FBRS: variants seen among roughly 807,000 people sequenced by gnomAD.
The protein encoded by FBRS is probable fibrosin-1.
In FBRS, 15 loss-of-function variants were observed where a neutral mutation model predicts 86.1. That is an observed-to-expected ratio of 0.17 (90% CI 0.12 to 0.27). FBRS has a LOEUF of 0.27. Among genes scored for constraint, FBRS ranks in the 10% least tolerant of loss-of-function variants. The pLI, the probability that FBRS is intolerant of heterozygous loss-of-function variation, is 1.00. For missense variants in FBRS, 1,367 were observed against 1,301.6 expected (o/e 1.05, Z -0.77); for synonymous variants, 666 against 575.8 (o/e 1.16, Z -2.24).
intron 13 of FBRS, among the ~76,000 whole-genome samples, 160 bp from the exon 14 acceptor site, chr16:30,667,160 T>G (rs2052533108): frequency 6.6e-6 from 1 of 152,096 alleles, no homozygotes; most frequent in Non-Finnish European, 1.5e-5. Context: ...TCTGGCTCAT[T>G]AGGGGGCTGC....
At chr16:30,666,032 C>G (rs1009330182) in intron 11 of FBRS, 1 of 410,136 alleles carries the variant, frequency 2.4e-6, no homozygotes, top group African/African-American at 2.1e-5. Context: ...GATAAGCTGC[C>G]CCTTGGTGAA....
In FBRS at chr16:30,659,862, A is replaced by AGGAGGG; in HGVS notation, c.346_347insAGGGGG (p.Glu115_Gly116insGluGly). The AGGAGGG allele has an allele frequency of 6.5e-7, 1 of 1,532,112 alleles. No individual in the cohort carries two copies. Among genetic ancestry groups the AGGAGGG allele is most frequent in the Non-Finnish European group, 8.8e-7 (1 of 1,141,538 alleles). The allele number at this position is 1,532,112 out of a possible 1,614,324, so 94.9% of individuals were successfully genotyped here. On this transcript the variant is annotated inframe_insertion, in exon 1 of 18. Coordinates refer to ENST00000356166, the MANE Select transcript of FBRS (RefSeq NM_001105079.3). ...GAGGAAGAGGAGGAGGAGGAGGAGG[A>AGGAGGG]GGGGGGCGCAGACGACGGCGAAGCC...
At position 30,670,327 on chromosome 16, in the gene FBRS, C is replaced by T. The variant is rs2052582132; in HGVS notation, c.*682C>T. Reference sequence around the variant, plus strand: ...CCAACAGGGGGCAGGACCTGGGGACCTGGGCTGGAGGGAAGGGCAGAAGCT... The same window carrying T: ...CCAACAGGGGGCAGGACCTGGGGACTTGGGCTGGAGGGAAGGGCAGAAGCT... On this transcript the variant is annotated 3_prime_UTR_variant, in exon 18 of 18. Coordinates refer to ENST00000356166, the MANE Select transcript of FBRS (RefSeq NM_001105079.3). The T allele has an allele frequency of 2.5e-6, 1 of 396,278 alleles. No individual in the cohort carries two copies. Among genetic ancestry groups the T allele is most frequent in the Non-Finnish European group, 5.0e-6 (1 of 200,576 alleles). The allele number at this position is 396,278 out of a possible 1,614,324, so 24.5% of individuals were successfully genotyped here.
At position 30,667,000 on chromosome 16, in the gene FBRS, C is replaced by G. The variant is rs1189786599; in HGVS notation, c.1875+10C>G. On this transcript the variant is annotated intron_variant, in intron 13 of 17. Transcript: ENST00000356166. ...CCAGGAGAAAATGAAGGTACTGGGG[C>G]CGGAGGGCTGGGGAGAGTGGGTCTC... 6 of 1,602,342 alleles carry G rather than the reference C, an allele frequency of 3.7e-6. No homozygotes were observed. Among genetic ancestry groups the G allele is most frequent in the Non-Finnish European group, 4.3e-6 (5 of 1,174,634 alleles).
At position 30,666,983 on chromosome 16, in the gene FBRS, A is replaced by C. The variant is rs775905295; in HGVS notation, c.1868A>C (p.Lys623Thr). The change falls in exon 13 of 18, where the codon AAA (lysine) becomes ACA (threonine). Residue 623 changes from lysine (K) to threonine (T), a missense_variant. Transcript: ENST00000356166. ...TACATGATCCTGAGACACCAGGAGA[A>C]AATGAAGGTACTGGGGCCGGAGGGC... ...VAYMILRHQE[K>T]MKGDSHKLDF... 3.1e-6 allele frequency: 5 copies of C among 1,609,290 alleles called. No individual in the cohort carries two copies. Among genetic ancestry groups the C allele is most frequent in the Non-Finnish European group, 4.2e-6 (5 of 1,177,842 alleles).
Position 30,668,672 on chromosome 16 carries a change from G to GC in FBRS, c.2158+30dup, listed in dbSNP as rs747545280. On this transcript the variant is annotated intron_variant, in intron 16 of 17. Coordinates refer to ENST00000356166, the MANE Select transcript of FBRS (RefSeq NM_001105079.3). Reference sequence around the variant, plus strand: ...AGTGCGGGTGCGGTGGGGTGGGGGGGCTGCGGCCACAGGGTGAGAGCTCAG... The same window carrying GC: ...AGTGCGGGTGCGGTGGGGTGGGGGGGCCTGCGGCCACAGGGTGAGAGCTCAG... The GC allele has an allele frequency of 1.4e-5, 23 of 1,586,690 alleles. No homozygotes were observed. The Admixed American group carries it at 3.4e-4, about 23-fold the overall frequency.
intron 2 of FBRS, 90 bp from the exon 3 acceptor site, chr16:30,661,090 G>A: frequency 6.5e-7 from 1 of 1,540,924 alleles, no homozygotes; most frequent in South Asian, 1.2e-5. Context: ...AGTAGATCCT[G>A]GAGGCCCATG....
Position 30,659,476 on chromosome 16 carries a change from T to G in FBRS, c.-43T>G. 3.7e-6 allele frequency: 1 copy of G among 269,746 alleles called. No homozygotes were observed. The highest frequency in any genetic ancestry group is 6.9e-6 in the Non-Finnish European group (1 of 143,984). The allele number at this position is 269,746 out of a possible 1,614,324, so 16.7% of individuals were successfully genotyped here. ...ACCCCGGGCCTGCGGACAGGCCGCT[T>G]CGGGCCCCGCCGCCTCCGGATGCGG... On this transcript the variant is annotated 5_prime_UTR_variant, in exon 1 of 18. Transcript: ENST00000356166.
At position 30,662,662 on chromosome 16, in the gene FBRS, C is replaced by G; in HGVS notation, c.858C>G (p.Pro286=). 1 of 1,548,550 alleles carries G rather than the reference C, an allele frequency of 6.5e-7. No individual in the cohort carries two copies. The part of the protein sequence containing the change: ...LERSQEQPPG[P]DPLLVPFPPK... The stretch of plus-strand genomic sequence containing the variant: ...GGAGCCAAGAACAGCCCCCGGGGCC[C>G]GACCCGCTGCTAGTGCCTTTCCCCC... The change falls in exon 6 of 18, where the codon CCC becomes CCG. Residue 286 remains proline (P), a synonymous_variant. Transcript: ENST00000356166.
intron 2 of FBRS, 70 bp from the exon 3 acceptor site, chr16:30,661,110 C>G: frequency 6.5e-7 from 1 of 1,548,612 alleles, no homozygotes. Context: ...GAGCGCCCTG[C>G]TGGGAGCTGC....
intron 4 of FBRS, 118 bp downstream of exon 4, chr16:30,661,451 G>A: frequency 6.5e-7 from 1 of 1,532,232 alleles, no homozygotes. Flanking sequence ...GGCTTAGGTT[G>A]AGTCAGGATT....
rs869074 is a variant in FBRS at position 30,662,914 on chromosome 16, C to T, written c.1055+55C>T. The T allele has an allele frequency of 1.5e-4, 201 of 1,385,444 alleles. No individual in the cohort carries two copies. The East Asian group carries it at 2.8e-3, about 19-fold the overall frequency. The allele number at this position is 1,385,444 out of a possible 1,614,324, so 85.8% of individuals were successfully genotyped here. The stretch of plus-strand genomic sequence containing the variant: ...CGGAAGGGCCTGGTCAGTTTGGTGG[C>T]GGGGACACAGGATGGTACCTGTGGG... On this transcript the variant is annotated intron_variant, in intron 6 of 17. Coordinates refer to ENST00000356166, the MANE Select transcript of FBRS (RefSeq NM_001105079.3).
rs572117442 is a variant in FBRS at position 30,669,007 on chromosome 16, C to T, written c.2366+28C>T. The T allele has an allele frequency of 9.7e-6, 15 of 1,548,126 alleles. No homozygotes were observed. In the East Asian group the frequency reaches 3.3e-4, roughly 34 times the overall value. On this transcript the variant is annotated intron_variant, in intron 17 of 17. Transcript: ENST00000356166. The surrounding 1 kb of genome is among the most constrained non-coding windows in gnomAD (Gnocchi z 5.9). ...GTGCCTCCCACCCACCCTGCCCCTG[C>T]CCCACCCTCAGCCCCTGCTGCCCCT...
chr16:30,666,265 G>GC (rs1209788890), intron 11 of FBRS: 3 of 595,246 alleles, frequency 5.0e-6, no homozygotes, highest in African/African-American at 1.9e-5. Context: ...TGTCCTGCCT[G>GC]CCCCCTCACC....
Position 30,669,575 on chromosome 16 carries a change from C to G in FBRS, c.2873C>G (p.Pro958Arg). The G allele has an allele frequency of 6.2e-7, 1 of 1,612,380 alleles. No homozygotes were observed. The highest frequency in any genetic ancestry group is 8.5e-7 in the Non-Finnish European group (1 of 1,179,750). ...CCGGGAGCCCTTTTGGGGGCACCAC[C>G]TCCGCTTGTGCCCGCCCCCCGGCCC... is the stretch of plus-strand genomic sequence containing the variant. ...TPPGALLGAPPPLVPAPRPSS... is the reference protein window; with the variant it reads ...TPPGALLGAPRPLVPAPRPSS... Residue 958 changes from proline to arginine, a missense_variant, in exon 18 of 18, where the codon CCT becomes CGT. Transcript: ENST00000356166. The surrounding 1 kb of genome is among the most constrained non-coding windows in gnomAD (Gnocchi z 5.9).
In FBRS at chr16:30,661,223, C is replaced by T. The variant is rs762775263; in HGVS notation, c.675+8C>T. On this transcript the variant is annotated splice_region_variant and intron_variant, in intron 3 of 17. Transcript: ENST00000356166. ...CTGGAAGCTGGATACATAGTAAGTG[C>T]TATCCACCTGTCCTGGCCCCTCCCT... 3.5e-5 allele frequency: 55 copies of T among 1,550,784 alleles called. No homozygotes were observed. Among genetic ancestry groups the T allele is most frequent in the East Asian group, 2.4e-4 (10 of 40,914 alleles).
chr16:30,664,958 C>T (rs2052504516), intron 8 of FBRS, 38 bp downstream of exon 8: 1 of 1,608,992 alleles, frequency 6.2e-7, no homozygotes, highest in East Asian at 2.2e-5. Flanking sequence ...GGCTCGGAGG[C>T]CTCTGGGGAG....
At position 30,669,694 on chromosome 16, in the gene FBRS, C is replaced by G; in HGVS notation, c.*49C>G. ...AAAGCTCCATCTCCCCTTCCTTTAA[C>G]CAGGTCCTAGGGCTGAGGTTTTAAG... On this transcript the variant is annotated 3_prime_UTR_variant, in exon 18 of 18. Transcript: ENST00000356166. This position sits in a 1 kb window ranked among gnomAD's most constrained non-coding sequence, Gnocchi z 5.9. 1 of 1,531,096 alleles carries G rather than the reference C, an allele frequency of 6.5e-7. No homozygotes were observed. Among genetic ancestry groups the G allele is most frequent in the South Asian group, 1.2e-5 (1 of 81,402 alleles). 94.8% of individuals were successfully genotyped at this position (1,531,096 alleles called of 1,614,324 possible).
rs1020514059 is a variant in FBRS, at chr16:30,662,543, C to T, written c.755-16C>T. 8.4e-6 allele frequency: 13 copies of T among 1,546,796 alleles called. No homozygotes were observed. The highest frequency in any genetic ancestry group is 6.9e-5 in the African/African-American group (5 of 72,976). ...CATGAGCCTCAACTGAGCATGTCTG[C>T]CATCCTGCCCCACAGCCTCGGGCCC... On this transcript the variant is annotated splice_polypyrimidine_tract_variant and intron_variant, in intron 5 of 17. Coordinates refer to ENST00000356166, the MANE Select transcript of FBRS (RefSeq NM_001105079.3).
Sources: allele counts gnomAD v4.1 joint callset (sites outside exome capture counted in the v4.1 genomes callset), GRCh38; gene constraint gnomAD v4.1.1; non-coding constraint Gnocchi (gnomAD v3.1); transcripts MANE v1.5; gene names NCBI Gene and HGNC (gene_info 2026-07-23, HGNC 2026-07-21).